SRBD1: variants seen among roughly 807,000 people sequenced by gnomAD.
The protein encoded by SRBD1 is S1 RNA binding domain 1.
Under a neutral mutation model 115.3 loss-of-function variants are expected in SRBD1, and 88 were observed. The observed-to-expected ratio is 0.76, with a 90% CI of 0.64 to 0.91. The LOEUF is 0.91. SRBD1 is among the 40% of genes least tolerant of loss of function. SRBD1 has a pLI of 0.00. For missense variants in SRBD1, 1,385 were observed against 1,177.4 expected (o/e 1.18, Z -2.58); for synonymous variants, 509 against 407.7 (o/e 1.25, Z -2.99).
intron 14 of SRBD1, among the ~76,000 whole-genome samples, chr2:45,526,250 T>A (rs1205196990): frequency 6.6e-6 from 1 of 152,062 alleles, no homozygotes; most frequent in Non-Finnish European, 1.5e-5. Context: ...TATATCCATA[T>A]AATGGAATAT....
chr2:45,470,216 AGTTT>A (rs917170847), intron 16 of SRBD1, among the ~76,000 whole-genome samples: 12 of 152,180 alleles, frequency 7.9e-5, no homozygotes, highest in African/African-American at 2.9e-4. Context: ...ACTATAAAAC[AGTTT>A]GTTTTTTATT....
intron 14 of SRBD1, among the ~76,000 whole-genome samples, chr2:45,530,964 G>A (rs1411985575): frequency 2.0e-5 from 3 of 147,962 alleles, no homozygotes; most frequent in South Asian, 2.1e-4. Context: ...AGACAAATGG[G>A]CAAGATGTAC....
chr2:45,452,985 C>A (rs1410792364), intron 16 of SRBD1, among the ~76,000 whole-genome samples: 1 of 151,962 alleles, frequency 6.6e-6, no homozygotes, highest in Non-Finnish European at 1.5e-5. Flanking sequence ...TTGAAGTCCA[C>A]AATATGTATA....
In SRBD1 at chr2:45,581,704, G is replaced by T. The variant is rs771325356; in HGVS notation, c.922C>A (p.Leu308Ile). ...AAAGGATTCCTTACCACGTGTTCTA[G>T]TTCTTCAAAAGTTTTACAATTCAGC... ...AMLNCKTFEE[L>I]EHVSAPYKTG... The change falls in exon 6 of 21, where the codon CTA becomes ATA. Residue 308 changes from leucine (L) to isoleucine (I), a missense_variant. Physicochemically the swap from Leu to Ile is conservative, Grantham distance 5 (BLOSUM62 2). Coordinates refer to ENST00000263736, the MANE Select transcript of SRBD1 (RefSeq NM_018079.5). The T allele has an allele frequency of 6.2e-7, 1 of 1,612,220 alleles. No individual in the cohort carries two copies. The highest frequency in any genetic ancestry group is 8.5e-7 in the Non-Finnish European group (1 of 1,179,254).
intron 16 of SRBD1, among the ~76,000 whole-genome samples, chr2:45,441,318 A>G (rs1668662112): frequency 6.6e-6 from 1 of 152,176 alleles, no homozygotes; most frequent in Non-Finnish European, 1.5e-5. Context: ...GGCAGTGAAG[A>G]CCAGGCTGCA....
intron 14 of SRBD1, among the ~76,000 whole-genome samples, chr2:45,489,578 G>T (rs970811341): frequency 3.9e-5 from 6 of 152,084 alleles, no homozygotes; most frequent in Non-Finnish European, 7.4e-5. Flanking sequence ...CAACTGAAAA[G>T]CAAGGCTGCT....
chr2:45,441,059 G>C (rs1668655536), intron 16 of SRBD1, among the ~76,000 whole-genome samples: 1 of 152,098 alleles, frequency 6.6e-6, no homozygotes, highest in Non-Finnish European at 1.5e-5. Context: ...ACATGTATGT[G>C]GCCACACATG....
Position 45,413,232 on chromosome 2 carries a change from C to A in SRBD1, c.2395G>T (p.Glu799Ter), listed in dbSNP as rs1431983068. The A allele has an allele frequency of 6.2e-7, 1 of 1,614,106 alleles. No individual in the cohort carries two copies. The highest frequency in any genetic ancestry group is 8.5e-7 in the Non-Finnish European group (1 of 1,179,988). ...TTGCCCTGCTTCTCATTTGTGACCT[C>A]AACGTCTGCTGAAGATGTCACAGCA... The part of the protein sequence containing the change: ...GVAVTSSADV[E>*]VTNEKQGKKK... Residue 799 changes from glutamate (E) to a stop codon, truncating the protein, a stop_gained, in exon 19 of 21, where the codon GAG becomes TAG. Transcript: ENST00000263736. LOFTEE classifies it high-confidence loss of function.
chr2:45,394,788 T>A (rs569506469), intron 19 of SRBD1, among the ~76,000 whole-genome samples: 2 of 152,350 alleles, frequency 1.3e-5, no homozygotes, highest in Admixed American at 1.3e-4. Context: ...ACACACTTTA[T>A]GGTATCCGAC....
intron 16 of SRBD1, among the ~76,000 whole-genome samples, chr2:45,468,214 C>T (rs1033180954): frequency 2.6e-5 from 4 of 152,008 alleles, no homozygotes; most frequent in African/African-American, 7.2e-5. Context: ...CTTACTTTCT[C>T]GCTTAACATT....
intron 8 of SRBD1, 29 bp downstream of exon 8, chr2:45,574,598 G>A: frequency 6.3e-7 from 1 of 1,598,820 alleles, no homozygotes; most frequent in Admixed American, 1.7e-5. Context: ...AGTCCATAAA[G>A]CAGAAAACTC....
At chr2:45,489,971 C>G (rs889257971) in intron 14 of SRBD1, among the ~76,000 whole-genome samples, 1 of 152,088 alleles carries the variant, frequency 6.6e-6, no homozygotes, top group Non-Finnish European at 1.5e-5. Context: ...TTTCTTTGAT[C>G]AAAAGGTAAA....
At chr2:45,421,114 C>A (rs113012547) in intron 16 of SRBD1, among the ~76,000 whole-genome samples, 118 of 152,260 alleles carry the variant, frequency 7.7e-4, no homozygotes, top group African/African-American at 2.5e-3. Context: ...GATTAGCAAC[C>A]AAGTTCATGT....
At chr2:45,506,674 A>T (rs1670808808) in intron 14 of SRBD1, among the ~76,000 whole-genome samples, 1 of 152,138 alleles carries the variant, frequency 6.6e-6, no homozygotes, top group African/African-American at 2.4e-5. Context: ...GTATTTTCAG[A>T]TCTTCTTCTA....
chr2:45,409,040 G>A (rs1667518895), intron 19 of SRBD1, among the ~76,000 whole-genome samples: 1 of 152,090 alleles, frequency 6.6e-6, no homozygotes, highest in South Asian at 2.1e-4. Context: ...ACAACATGGT[G>A]AAGCCCCGTT....
At chr2:45,564,852 C>T (rs925656361) in intron 9 of SRBD1, among the ~76,000 whole-genome samples, 9 of 152,104 alleles carry the variant, frequency 5.9e-5, no homozygotes, top group African/African-American at 2.2e-4. Flanking sequence ...ATGGGTTCTG[C>T]AGGGCCAACT....
intron 14 of SRBD1, among the ~76,000 whole-genome samples, chr2:45,505,980 TC>T (rs1453218586): frequency 2.0e-5 from 3 of 152,224 alleles, no homozygotes; most frequent in Admixed American, 2.0e-4. Context: ...CAGTCAATTA[TC>T]ATTTTTGTCT....
At chr2:45,580,897 C>T (rs903088488) in intron 6 of SRBD1, among the ~76,000 whole-genome samples, 2 of 148,136 alleles carry the variant, frequency 1.4e-5, no homozygotes, top group African/African-American at 5.0e-5. Flanking sequence ...CTTGGCCAGG[C>T]TGGTCTTGAA....
At chr2:45,570,662 T>C (rs914988876) in intron 9 of SRBD1, among the ~76,000 whole-genome samples, 1 of 152,210 alleles carries the variant, frequency 6.6e-6, no homozygotes, top group Non-Finnish European at 1.5e-5. Flanking sequence ...AGTTGCAGAA[T>C]TTCTATAAGA....
Sources: allele counts gnomAD v4.1 joint callset (sites outside exome capture counted in the v4.1 genomes callset), GRCh38; gene constraint gnomAD v4.1.1; transcripts MANE v1.5; gene names NCBI Gene and HGNC (gene_info 2026-07-23, HGNC 2026-07-21).